The following NCALD variants were observed in gnomAD, a reference collection of about 807,000 sequenced individuals.
NCALD encodes neurocalcin-delta.
In NCALD, 10 loss-of-function variants were observed where a neutral mutation model predicts 18.6. The observed-to-expected ratio is 0.54, with a 90% confidence interval of 0.33 to 0.91. The LOEUF is 0.91. Among genes scored for constraint, NCALD ranks in the 40% least tolerant of loss-of-function variants. The pLI, the probability that NCALD is intolerant of heterozygous loss-of-function variation, is 0.03. For synonymous variants in NCALD, 88 were observed against 87.4 expected, an observed-to-expected ratio of 1.01 and a Z score of -0.04; for missense variants, 184 against 247.6, an observed-to-expected ratio of 0.74 and a Z score of 1.72.
At chr8:101,964,180 A>G (rs1819937864) in intron 2 of NCALD, among the ~76,000 whole-genome samples, 2 of 152,096 alleles carry the variant, frequency 1.3e-5, no homozygotes, top group South Asian at 2.1e-4. Context: ...CCTCTCACCT[A>G]TGAATAGAAG....
Position 101,687,241 on chromosome 8 carries a change from G to A in NCALD, c.*2068C>T, listed in dbSNP as rs566942122. 2 of 152,778 alleles carry A rather than the reference G, an allele frequency of 1.3e-5. No individual in the cohort carries two copies. The highest frequency in any genetic ancestry group is 2.1e-4 in the South Asian group (1 of 4,828). The allele number at this position is 152,778 out of a possible 1,614,324, so 9.5% of individuals were successfully genotyped here. Reference sequence around the variant, plus strand: ...TTCCACCTACCAAAGGAGAATCAAAGGAAGGAACTAGGACTTCGATTCAGA... The same window carrying A: ...TTCCACCTACCAAAGGAGAATCAAAAGAAGGAACTAGGACTTCGATTCAGA... On this transcript the variant is annotated 3_prime_UTR_variant, in exon 4 of 4. Coordinates refer to ENST00000220931, the MANE Select transcript of NCALD (RefSeq NM_032041.3).
intron 1 of NCALD, among the ~76,000 whole-genome samples, chr8:102,057,684 T>A (rs2132246608): frequency 6.6e-6 from 1 of 152,386 alleles, no homozygotes; most frequent in South Asian, 2.1e-4. Flanking sequence ...CAGTTTGGGT[T>A]AAAATTACTT....
At chr8:101,691,965 A>G in intron 3 of NCALD, 1 of 985,408 alleles carries the variant, frequency 1.0e-6, no homozygotes, top group Non-Finnish European at 1.2e-6. Flanking sequence ...ACTCAAGTAT[A>G]ACATTTAAAT....
At chr8:101,865,568 T>G (rs183558500) in intron 4 of NCALD, among the ~76,000 whole-genome samples, 1 of 152,234 alleles carries the variant, frequency 6.6e-6, no homozygotes, top group East Asian at 1.9e-4. Flanking sequence ...TTATACTGTG[T>G]GGAAATCCTC....
At chr8:101,872,131 T>C (rs485363) in intron 4 of NCALD, 365,095 of 1,594,602 alleles carry the variant, frequency 0.23, 45,062 homozygotes, top group East Asian at 0.38. Context: ...ATCAGGAAAC[T>C]TCCTGGCAAG....
intron 1 of NCALD, among the ~76,000 whole-genome samples, chr8:102,076,163 A>C (rs1199915174): frequency 6.6e-6 from 1 of 152,160 alleles, no homozygotes; most frequent in Admixed American, 6.5e-5. Flanking sequence ...TAAAAAAATA[A>C]CATGTTTATT....
At chr8:102,058,447 G>T (rs1417645331) in intron 1 of NCALD, among the ~76,000 whole-genome samples, 1 of 152,134 alleles carries the variant, frequency 6.6e-6, no homozygotes, top group Non-Finnish European at 1.5e-5. Context: ...GTCCCTGTGG[G>T]CACCATTCAT....
intron 4 of NCALD, among the ~76,000 whole-genome samples, chr8:101,853,513 T>C (rs1354285052): frequency 1.3e-5 from 2 of 152,186 alleles, no homozygotes; most frequent in Non-Finnish European, 2.9e-5. Flanking sequence ...TTTAAGCTTA[T>C]TAAAATGTAT....
intron 1 of NCALD, among the ~76,000 whole-genome samples, chr8:102,107,564 C>G (rs1825514816): frequency 6.6e-6 from 1 of 152,080 alleles, no homozygotes; most frequent in Non-Finnish European, 1.5e-5. Context: ...TGAGCTCATT[C>G]AGCACACTAC....
chr8:101,772,600 T>C (rs1351638222), intron 1 of NCALD, among the ~76,000 whole-genome samples: 1 of 152,206 alleles, frequency 6.6e-6, no homozygotes, highest in Non-Finnish European at 1.5e-5. Flanking sequence ...CTCTTAGGAC[T>C]TGGCTCCATA....
chr8:101,819,263 C>CTTTATTTATTTA (rs1554639373), intron 4 of NCALD, among the ~76,000 whole-genome samples: 147 of 148,382 alleles, frequency 9.9e-4, no homozygotes, highest in South Asian at 5.1e-3. Context: ...AAATACATAA[C>CTTTATTTATTTA]TTTATTTATT....
intron 4 of NCALD, among the ~76,000 whole-genome samples, chr8:101,863,100 T>C (rs1428711056): frequency 1.3e-5 from 2 of 152,142 alleles, no homozygotes; most frequent in African/African-American, 4.8e-5. Context: ...CCAGAGCCTG[T>C]TTCTCCACAC....
intron 1 of NCALD, among the ~76,000 whole-genome samples, chr8:102,049,507 A>G (rs575879093): frequency 2.6e-5 from 4 of 152,340 alleles, no homozygotes; most frequent in African/African-American, 9.6e-5. Context: ...AACATTCATG[A>G]GCAGGCTTTT....
chr8:101,790,075 C>A (rs1330073850), intron 1 of NCALD, among the ~76,000 whole-genome samples: 1 of 151,854 alleles, frequency 6.6e-6, no homozygotes, highest in Non-Finnish European at 1.5e-5. Flanking sequence ...TTGTTTTTTT[C>A]TTTAGGTAAT....
intron 2 of NCALD, among the ~76,000 whole-genome samples, chr8:101,707,059 T>C (rs1295889672): frequency 6.6e-6 from 1 of 152,192 alleles, no homozygotes; most frequent in East Asian, 1.9e-4. Context: ...TGAGAATTAC[T>C]CAGGGTTTGG....
chr8:101,780,259 G>A (rs181868483), intron 1 of NCALD, among the ~76,000 whole-genome samples: 1 of 152,216 alleles, frequency 6.6e-6, no homozygotes, highest in East Asian at 1.9e-4. Flanking sequence ...TATAAAAATT[G>A]CACTGGGTTA....
chr8:101,690,121 C>T (rs1023679694), intron 3 of NCALD, among the ~76,000 whole-genome samples: 12 of 146,120 alleles, frequency 8.2e-5, no homozygotes, highest in African/African-American at 1.0e-4. Context: ...ACTCCGACCC[C>T]GGTGACCTTT....
intron 2 of NCALD, among the ~76,000 whole-genome samples, chr8:101,972,646 T>C (rs1432769360): frequency 6.6e-6 from 1 of 152,186 alleles, no homozygotes; most frequent in Admixed American, 6.5e-5. Context: ...TGGCACTGAA[T>C]TGGAAGTTAC....
chr8:101,888,708 C>T (rs1816764077), intron 3 of NCALD, among the ~76,000 whole-genome samples: 1 of 152,148 alleles, frequency 6.6e-6, no homozygotes, highest in Non-Finnish European at 1.5e-5. Context: ...CAAACCACCA[C>T]ACCCAGCCTG....
Sources: gnomAD v4.1 joint callset for allele counts (sites outside exome capture counted in the v4.1 genomes callset) on GRCh38, gnomAD v4.1.1 for gene constraint, MANE v1.5 for transcripts, NCBI Gene and HGNC (gene_info 2026-07-23, HGNC 2026-07-21) for gene names.